AKAP6: variants seen among roughly 807,000 people sequenced by gnomAD.
AKAP6 encodes A-kinase anchor protein 6.
In AKAP6, 58 loss-of-function variants were observed where a neutral mutation model predicts 188.5. The ratio of observed to expected loss-of-function variants is 0.31; its 90% confidence interval spans 0.25 to 0.38. The LOEUF (loss-of-function observed/expected upper bound fraction) is 0.38, where lower values mean the gene tolerates loss of function less well. Ranked by LOEUF, AKAP6 falls within the 10% of genes least tolerant of loss-of-function variation. The pLI, the probability that AKAP6 is intolerant of heterozygous loss-of-function variation, is 1.00. For missense variants in AKAP6, 2,710 were observed against 2,740.0 expected (o/e 0.99, Z 0.24); for synonymous variants, 989 against 998.6 (o/e 0.99, Z 0.18).
intron 4 of AKAP6, among the ~76,000 whole-genome samples, chr14:32,548,321 C>T (rs56285348): frequency 0.33 from 50,226 of 151,768 alleles, 9,228 homozygotes; most frequent in Non-Finnish European, 0.43. Context: ...AGGCTAGTCT[C>T]GAACTCCTGA....
intron 9 of AKAP6, among the ~76,000 whole-genome samples, chr14:32,715,447 A>AC (rs1442124322): frequency 9.7e-6 from 1 of 102,812 alleles, no homozygotes; most frequent in Non-Finnish European, 2.5e-5. Context: ...TTAGAAAAGC[A>AC]AAACGAAAAA....
intron 7 of AKAP6, among the ~76,000 whole-genome samples, chr14:32,638,422 G>C (rs964688962): frequency 2.0e-5 from 3 of 152,054 alleles, no homozygotes; most frequent in African/African-American, 7.2e-5. Context: ...TCTGCTTCCA[G>C]TGTTTTTCCT....
At chr14:32,448,443 T>C (rs73259282) in intron 2 of AKAP6, among the ~76,000 whole-genome samples, 212 of 152,338 alleles carry the variant, frequency 1.4e-3, no homozygotes, top group African/African-American at 4.9e-3. Context: ...TGCTTTGTTT[T>C]CCTCAAAGCA....
Position 32,535,877 on chromosome 14 carries a change from A to G in AKAP6, c.576+72A>G, listed in dbSNP as rs781114756. ...AATTGAGAATGTTTTCAGTTTAGAGATGTAGGATAGGAATTCTTTGTAGGT... is the reference window on the plus strand; with the variant it reads ...AATTGAGAATGTTTTCAGTTTAGAGGTGTAGGATAGGAATTCTTTGTAGGT... On this transcript the variant is annotated intron_variant, in intron 3 of 13. Transcript: ENST00000280979. 4 of 1,538,616 alleles carry G rather than the reference A, an allele frequency of 2.6e-6. No homozygotes were observed. The Admixed American group carries it at 7.5e-5, about 29-fold the overall frequency.
intron 5 of AKAP6, among the ~76,000 whole-genome samples, chr14:32,584,565 T>C (rs1055212903): frequency 1.3e-5 from 2 of 152,170 alleles, no homozygotes; most frequent in Middle Eastern, 3.2e-3. Context: ...AAACAATCAC[T>C]GCAATTAAGA....
At chr14:32,399,949 G>A (rs76424834) in intron 1 of AKAP6, among the ~76,000 whole-genome samples, 21 of 152,166 alleles carry the variant, frequency 1.4e-4, no homozygotes, top group East Asian at 3.9e-4. Flanking sequence ...GCAAGCTTTC[G>A]TTATCTGTGA....
chr14:32,726,236 G>GA lies in AKAP6; in HGVS notation c.3001-6212dup, dbSNP rs1178536620. 5 of 974,244 alleles carry GA rather than the reference G, an allele frequency of 5.1e-6. No homozygotes were observed. In the African/African-American group the frequency reaches 8.8e-5, roughly 17 times the overall value. 60.3% of individuals were successfully genotyped at this position (974,244 alleles called of 1,614,324 possible). ...TAAGGAGAAAACTTAGAAGTGAGGG[G>GA]AAAAAATAATATTTGAGTGATTCTT... On this transcript the variant is annotated intron_variant, in intron 9 of 13. Coordinates refer to ENST00000280979, the MANE Select transcript of AKAP6 (RefSeq NM_004274.5).
intron 9 of AKAP6, among the ~76,000 whole-genome samples, chr14:32,696,760 A>C (rs945400082): frequency 6.6e-6 from 1 of 152,064 alleles, no homozygotes; most frequent in African/African-American, 2.4e-5. Context: ...AAATAGTCTT[A>C]GCAGTTCTTA....
intron 1 of AKAP6, among the ~76,000 whole-genome samples, chr14:32,388,643 A>G (rs1888609579): frequency 6.6e-6 from 1 of 152,058 alleles, no homozygotes; most frequent in Admixed American, 6.6e-5. Context: ...CTTAACTTCC[A>G]TGTATTTGCA....
chr14:32,781,724 G>T (rs72669841), intron 12 of AKAP6, among the ~76,000 whole-genome samples: 11,964 of 152,120 alleles, frequency 0.079, 501 homozygotes, highest in Admixed American at 0.093. Context: ...GTGAGGTTTA[G>T]CCTAGAAATA....
At chr14:32,558,702 G>C (rs983229459) in intron 4 of AKAP6, among the ~76,000 whole-genome samples, 19 of 152,204 alleles carry the variant, frequency 1.2e-4, no homozygotes, top group African/African-American at 4.3e-4. Context: ...CCTAGAGGCA[G>C]ACAGTCGAGG....
chr14:32,447,792 T>G (rs963088196), intron 2 of AKAP6, among the ~76,000 whole-genome samples: 2 of 152,216 alleles, frequency 1.3e-5, no homozygotes, highest in Non-Finnish European at 2.9e-5. Context: ...TTCATTTACA[T>G]CCATTATCTG....
At chr14:32,764,120 T>C (rs563956196) in intron 11 of AKAP6, among the ~76,000 whole-genome samples, 2 of 152,272 alleles carry the variant, frequency 1.3e-5, no homozygotes, top group South Asian at 4.1e-4. Flanking sequence ...TCTTTATTAT[T>C]TATATAATTT....
intron 7 of AKAP6, among the ~76,000 whole-genome samples, chr14:32,640,936 G>T (rs1184080370): frequency 1.3e-5 from 2 of 152,120 alleles, no homozygotes; most frequent in Non-Finnish European, 2.9e-5. Flanking sequence ...ATCATTAGCT[G>T]CTGCCATTTC....
chr14:32,703,183 G>A (rs945262308), intron 9 of AKAP6, among the ~76,000 whole-genome samples: 17 of 152,112 alleles, frequency 1.1e-4, no homozygotes, highest in African/African-American at 3.9e-4. Flanking sequence ...GGAAGAAGGC[G>A]GGGAGAGGGG....
At chr14:32,552,285 A>T (rs1053775687) in intron 4 of AKAP6, among the ~76,000 whole-genome samples, 7 of 152,206 alleles carry the variant, frequency 4.6e-5, no homozygotes, top group African/African-American at 1.7e-4. Flanking sequence ...CAAGATAAAG[A>T]CTTGGGAATA....
intron 11 of AKAP6, among the ~76,000 whole-genome samples, chr14:32,769,330 G>A (rs2139977661): frequency 6.6e-6 from 1 of 152,024 alleles, no homozygotes; most frequent in South Asian, 2.1e-4. Context: ...TTACAGATAT[G>A]AGCCACTGCG....
At chr14:32,790,298 A>G (rs1413211950) in intron 12 of AKAP6, among the ~76,000 whole-genome samples, 1 of 152,150 alleles carries the variant, frequency 6.6e-6, no homozygotes. Context: ...AAAACATACT[A>G]CAGGCTTTCA....
chr14:32,797,943 A>G (rs1296949603), intron 12 of AKAP6, among the ~76,000 whole-genome samples: 1 of 148,172 alleles, frequency 6.7e-6, no homozygotes, highest in Non-Finnish European at 1.5e-5. Context: ...AAAAAAAACC[A>G]TTAACAGAGC....
Sources: gnomAD v4.1 joint callset for allele counts (sites outside exome capture counted in the v4.1 genomes callset) on GRCh38, gnomAD v4.1.1 for gene constraint, MANE v1.5 for transcripts, NCBI Gene and HGNC (gene_info 2026-07-23, HGNC 2026-07-21) for gene names.